IL2RA: variants seen among roughly 807,000 people sequenced by gnomAD.
IL2RA encodes the protein interleukin 2 receptor subunit alpha.
In IL2RA, 24 loss-of-function variants were observed where a neutral mutation model predicts 37.8. The observed-to-expected ratio is 0.63, with a 90% CI of 0.46 to 0.89. IL2RA has a LOEUF of 0.89. Ranked by LOEUF, IL2RA falls within the 40% of genes least tolerant of loss-of-function variation. The pLI is 0.00. For missense variants in IL2RA, 319 were observed against 348.6 expected (o/e 0.92, Z 0.68); for synonymous variants, 125 against 114.6 (o/e 1.09, Z -0.58).
Position 6,025,759 on chromosome 10 carries a change from T to A in IL2RA, c.256+75A>T. On this transcript the variant is annotated intron_variant, in intron 2 of 7. Transcript: ENST00000379959. The surrounding 1 kb of genome is among the most constrained non-coding windows in gnomAD (Gnocchi z 4.4). ...GCCCATTTGTGTCTATAGGGCTGAG[T>A]GAACAAAAGCTGGGCTCTGTCTCAC... 1.4e-6 allele frequency: 2 copies of A among 1,422,646 alleles called. No homozygotes were observed. The highest frequency in any genetic ancestry group is 2.0e-6 in the Non-Finnish European group (2 of 1,007,888). 88.1% of individuals were successfully genotyped at this position (1,422,646 alleles called of 1,614,324 possible). A position where few individuals can be genotyped will look rare whatever the true frequency, so the allele number is the denominator to read the frequency against.
Position 6,011,961 on chromosome 10 carries a change from T to C in IL2RA, c.*911A>G, listed in dbSNP as rs1839197915. 1 of 152,374 alleles carries C rather than the reference T, an allele frequency of 6.6e-6. No homozygotes were observed. The highest frequency in any genetic ancestry group is 2.1e-4 in the South Asian group (1 of 4,836). 9.4% of individuals were successfully genotyped at this position (152,374 alleles called of 1,614,324 possible). The stretch of plus-strand genomic sequence containing the variant: ...TGAATGTACGGATCCCTTTTTGGTG[T>C]TTTTAGACACTTCTCAGGAAACGTA... On this transcript the variant is annotated 3_prime_UTR_variant, in exon 8 of 8. Coordinates refer to ENST00000379959, the MANE Select transcript of IL2RA (RefSeq NM_000417.3). This position sits in a 1 kb window ranked among gnomAD's most constrained non-coding sequence, Gnocchi z 5.2.
intron 1 of IL2RA, among the ~76,000 whole-genome samples, chr10:6,043,115 T>G (rs41294717): frequency 1.3e-3 from 202 of 152,320 alleles, no homozygotes; most frequent in Middle Eastern, 3.4e-3. Context: ...TAATTGTCCA[T>G]CAAAAGAAGG....
intron 1 of IL2RA, among the ~76,000 whole-genome samples, chr10:6,053,800 T>G (rs562222580): frequency 1.4e-4 from 21 of 152,368 alleles, no homozygotes; most frequent in Non-Finnish European, 2.4e-4. Context: ...TGGCTGCAGC[T>G]TCCTTTTTAT....
chr10:6,050,818 G>A (rs1249004625), intron 1 of IL2RA, among the ~76,000 whole-genome samples: 1 of 152,190 alleles, frequency 6.6e-6, no homozygotes, highest in Admixed American at 6.5e-5. Context: ...GGGTGCCCTG[G>A]CTACAGGTCC....
At position 6,046,165 on chromosome 10, in the gene IL2RA, G is replaced by A. The variant is rs755889841; in HGVS notation, c.64+15923C>T. 6.6e-5 allele frequency among the ~76,000 whole-genome samples: 10 copies of A among 152,124 alleles called. No homozygotes were observed. The highest frequency in any genetic ancestry group is 1.3e-4 in the Non-Finnish European group (9 of 68,040). ...TCCTGCTCTCAAGAATTCACACTCC[G>A]TTTTACACAAGACACACATTGCATA... On this transcript the variant is annotated intron_variant, in intron 1 of 7. Coordinates refer to ENST00000379959, the MANE Select transcript of IL2RA (RefSeq NM_000417.3). This position sits in a 1 kb window ranked among gnomAD's most constrained non-coding sequence, Gnocchi z 4.8.
chr10:6,029,006 A>G lies in IL2RA; in HGVS notation c.65-2981T>C, dbSNP rs1839530844. ...AGTCTGTCTCAAAAAAAAAAAAAAA[A>G]GACCCCTAAAATGACCTAGATTTTG... On this transcript the variant is annotated intron_variant, in intron 1 of 7. Transcript: ENST00000379959. The surrounding 1 kb of genome is among the most constrained non-coding windows in gnomAD (Gnocchi z 4.6). Among the ~76,000 whole-genome samples, 1 of 147,802 alleles carries G rather than the reference A, an allele frequency of 6.8e-6. No homozygotes were observed. The highest frequency in any genetic ancestry group is 2.5e-5 in the African/African-American group (1 of 40,114).
intron 1 of IL2RA, among the ~76,000 whole-genome samples, chr10:6,041,953 A>G (rs1839778097): frequency 1.3e-5 from 2 of 152,056 alleles, no homozygotes; most frequent in Admixed American, 6.5e-5. Flanking sequence ...CATAGCTACA[A>G]TAACATAAGA....
rs1839823239 is a variant in IL2RA, at chr10:6,044,626, T to C, written c.64+17462A>G. ...TGCTAGTCCTCAATTTTGTCCGATG[T>C]CTGAGCCCTGCCTCGGGGGTTGAGT... is the stretch of plus-strand genomic sequence containing the variant. On this transcript the variant is annotated intron_variant, in intron 1 of 7. Coordinates refer to ENST00000379959, the MANE Select transcript of IL2RA (RefSeq NM_000417.3). This position sits in a 1 kb window ranked among gnomAD's most constrained non-coding sequence, Gnocchi z 4.5. 6.6e-6 allele frequency among the ~76,000 whole-genome samples: 1 copy of C among 152,222 alleles called. No homozygotes were observed. The highest frequency in any genetic ancestry group is 2.4e-5 in the African/African-American group (1 of 41,458).
In IL2RA at chr10:6,054,146, G is replaced by A. The variant is rs535697344; in HGVS notation, c.64+7942C>T. Among the ~76,000 whole-genome samples the A allele has an allele frequency of 5.3e-5, 8 of 152,356 alleles. 1 individual carries two copies. The South Asian group carries it at 1.7e-3, about 32-fold the overall frequency. ...TGCCACCTGAACCCCTCCTTAAGCA[G>A]GATGCCTGGATCCGGGTCGAGGGCT... On this transcript the variant is annotated intron_variant, in intron 1 of 7. Coordinates refer to ENST00000379959, the MANE Select transcript of IL2RA (RefSeq NM_000417.3). The surrounding 1 kb of genome is among the most constrained non-coding windows in gnomAD (Gnocchi z 4.5).
rs1172654832 is a variant in IL2RA, at chr10:6,025,881, T to G, written c.209A>C (p.Asn70Thr). 1 of 1,614,000 alleles carries G rather than the reference T, an allele frequency of 6.2e-7. No homozygotes were observed. Among genetic ancestry groups the G allele is most frequent in the East Asian group, 2.2e-5 (1 of 44,870 alleles). The change falls in exon 2 of 8, where the codon AAC (asparagine) becomes ACC (threonine). Residue 70 changes from asparagine to threonine, a missense_variant. Transcript: ENST00000379959. This position sits in a 1 kb window ranked among gnomAD's most constrained non-coding sequence, Gnocchi z 4.4. ...GTTGTCCCAGGACGAGTGGCTAGAG[T>G]TTCCTGTACAGAGCATATAGAGTGA... ...SGSLYMLCTG[N>T]SSHSSWDNQC...
chr10:6,057,853 C>T lies in IL2RA; in HGVS notation c.64+4235G>A, dbSNP rs1363435676. On this transcript the variant is annotated intron_variant, in intron 1 of 7. Transcript: ENST00000379959. The surrounding 1 kb of genome is among the most constrained non-coding windows in gnomAD (Gnocchi z 4.8). The stretch of plus-strand genomic sequence containing the variant: ...AAAAAGTCACAAAGAGGACTGGGTG[C>T]GGTGGCTCATGCCTGTAATCCCAGT... Among the ~76,000 whole-genome samples the T allele has an allele frequency of 5.9e-5, 9 of 152,132 alleles. No individual in the cohort carries two copies. The highest frequency in any genetic ancestry group is 1.2e-4 in the Non-Finnish European group (8 of 68,022).
At chr10:6,045,494 A>T (rs1457378135) in intron 1 of IL2RA, among the ~76,000 whole-genome samples, 2 of 152,188 alleles carry the variant, frequency 1.3e-5, no homozygotes, top group African/African-American at 2.4e-5. Context: ...TAATCCTGGG[A>T]GTCTTCTCGG....
At chr10:6,045,525 A>G (rs1400129378) in intron 1 of IL2RA, among the ~76,000 whole-genome samples, 5 of 152,242 alleles carry the variant, frequency 3.3e-5, no homozygotes, top group African/African-American at 1.2e-4. Context: ...GCTTCCGGGC[A>G]TGAAAGAGTT....
At position 6,021,533 on chromosome 10, in the gene IL2RA, C is replaced by T. The variant is rs1839386772; in HGVS notation, c.528G>A (p.Arg176=). ...TGCATATGAGCTGGGGCTGGGTCCA[C>T]CTTGTCTTCCCGTGGGTCATTTTGC... is the stretch of plus-strand genomic sequence containing the variant. ...SVCKMTHGKT[R]WTQPQLICTG... is the part of the protein sequence containing the mutation. The change falls in exon 4 of 8, where the codon AGG becomes AGA. Residue 176 remains arginine (R), a synonymous_variant. Coordinates refer to ENST00000379959, the MANE Select transcript of IL2RA (RefSeq NM_000417.3). This position sits in a 1 kb window ranked among gnomAD's most constrained non-coding sequence, Gnocchi z 4.9. 1.2e-6 allele frequency: 2 copies of T among 1,614,028 alleles called. No individual in the cohort carries two copies. The highest frequency in any genetic ancestry group is 1.3e-5 in the African/African-American group (1 of 74,904).
intron 1 of IL2RA, among the ~76,000 whole-genome samples, chr10:6,050,285 C>T (rs1472663042): frequency 6.6e-6 from 1 of 152,144 alleles, no homozygotes; most frequent in Non-Finnish European, 1.5e-5. Flanking sequence ...TCTACTGGCT[C>T]CTTGCTTTCT....
chr10:6,032,484 A>G (rs111308037), intron 1 of IL2RA, among the ~76,000 whole-genome samples: 2 of 151,912 alleles, frequency 1.3e-5, no homozygotes, highest in African/African-American at 2.4e-5. Flanking sequence ...CAAGGTCAGG[A>G]GATGGAGACC....
At chr10:6,040,493 C>T (rs972753315) in intron 1 of IL2RA, among the ~76,000 whole-genome samples, 3 of 152,124 alleles carry the variant, frequency 2.0e-5, no homozygotes, top group Admixed American at 6.6e-5. Context: ...TGTTGCCTGC[C>T]CACATTACCT....
At chr10:6,060,330 G>C (rs945963692) in intron 1 of IL2RA, among the ~76,000 whole-genome samples, 3 of 152,162 alleles carry the variant, frequency 2.0e-5, no homozygotes, top group African/African-American at 7.2e-5. Context: ...CAGGTGATGG[G>C]TGCACCAAAA....
At chr10:6,016,390 C>A (rs1839279772) in intron 7 of IL2RA, among the ~76,000 whole-genome samples, 1 of 152,060 alleles carries the variant, frequency 6.6e-6, no homozygotes, top group African/African-American at 2.4e-5. Flanking sequence ...AATCTCTGTT[C>A]TTTATAAGTT....
Sources: gnomAD v4.1 joint callset for allele counts (sites outside exome capture counted in the v4.1 genomes callset) on GRCh38, gnomAD v4.1.1 for gene constraint, Gnocchi (gnomAD v3.1) non-coding constraint, MANE v1.5 for transcripts, NCBI Gene and HGNC (gene_info 2026-07-23, HGNC 2026-07-21) for gene names.